MACROD2: variants seen among roughly 807,000 people sequenced by gnomAD.
MACROD2 encodes ADP-ribose glycohydrolase MACROD2.
Under a neutral mutation model 70.4 loss-of-function variants are expected in MACROD2, and 36 were observed. The ratio of observed to expected loss-of-function variants is 0.51; its 90% confidence interval spans 0.39 to 0.68. MACROD2 has a LOEUF of 0.68. Ranked by LOEUF, MACROD2 falls within the 30% of genes least tolerant of loss-of-function variation. The pLI is 0.00. For missense variants in MACROD2, 496 were observed against 538.4 expected, an observed-to-expected ratio of 0.92 and a Z score of 0.78; for synonymous variants, 172 against 178.8, an observed-to-expected ratio of 0.96 and a Z score of 0.30.
At chr20:15,521,635 C>G (rs1424829881) in intron 8 of MACROD2, among the ~76,000 whole-genome samples, 1 of 152,138 alleles carries the variant, frequency 6.6e-6, no homozygotes, top group Non-Finnish European at 1.5e-5. Context: ...AACAGTATGG[C>G]ACACATTTAC....
chr20:14,484,195 T>C (rs960498342), intron 3 of MACROD2, among the ~76,000 whole-genome samples: 2 of 152,198 alleles, frequency 1.3e-5, no homozygotes, highest in African/African-American at 2.4e-5. Context: ...TTAATAAACA[T>C]ATTTTAATAT....
rs2082136749 is a variant in MACROD2 at position 14,265,514 on chromosome 20, T to A, written c.271+179786T>A. The stretch of plus-strand genomic sequence containing the variant: ...TAAGGGACTTTTTTTTCACATTTTT[T>A]ACAATAAATTTTTACAATAGTTTTT... On this transcript the variant is annotated intron_variant, in intron 3 of 17. Transcript: ENST00000684519. 2.0e-5 allele frequency among the ~76,000 whole-genome samples: 3 copies of A among 147,602 alleles called. No individual in the cohort carries two copies. In the South Asian group the frequency reaches 6.2e-4, roughly 31 times the overall value.
At chr20:15,536,721 A>G (rs1204325523) in intron 8 of MACROD2, among the ~76,000 whole-genome samples, 1 of 152,148 alleles carries the variant, frequency 6.6e-6, no homozygotes, top group Non-Finnish European at 1.5e-5. Flanking sequence ...CTGAATAATA[A>G]TTTCTAGTGC....
At chr20:16,008,313 T>G (rs967645671) in intron 15 of MACROD2, among the ~76,000 whole-genome samples, 3 of 152,258 alleles carry the variant, frequency 2.0e-5, no homozygotes, top group African/African-American at 7.2e-5. Flanking sequence ...GACTATGTAC[T>G]TCTAAGCAAG....
chr20:14,738,940 C>T (rs769434364), intron 5 of MACROD2, among the ~76,000 whole-genome samples: 8 of 151,934 alleles, frequency 5.3e-5, no homozygotes, highest in Non-Finnish European at 8.8e-5. Flanking sequence ...AAAAGTTCCA[C>T]GTCACTAATT....
At chr20:15,063,547 A>G (rs1301692003) in intron 5 of MACROD2, among the ~76,000 whole-genome samples, 1 of 152,172 alleles carries the variant, frequency 6.6e-6, no homozygotes, top group Admixed American at 6.5e-5. Context: ...TCCTCTGGGT[A>G]CATCATGTTT....
At chr20:14,553,428 T>TTTTTTTTTTTTTTTTTTTTTTTTTTA (rs1978803863) in intron 4 of MACROD2, among the ~76,000 whole-genome samples, 1 of 150,280 alleles carries the variant, frequency 6.7e-6, no homozygotes. Context: ...TTTTTTTTTT[T>TTTTTTTTTTTTTTTTTTTTTTTTTTA]AGTAAGTAGA....
At chr20:15,480,645 G>A (rs2047084869) in intron 7 of MACROD2, among the ~76,000 whole-genome samples, 1 of 152,142 alleles carries the variant, frequency 6.6e-6, no homozygotes, top group Non-Finnish European at 1.5e-5. Flanking sequence ...GTGGGAAGGA[G>A]TCAGGTTACC....
At chr20:15,689,447 T>C (rs1005753374) in intron 8 of MACROD2, among the ~76,000 whole-genome samples, 8 of 152,096 alleles carry the variant, frequency 5.3e-5, no homozygotes, top group Non-Finnish European at 7.4e-5. Flanking sequence ...AGCATTGTGA[T>C]TGTAATAGAG....
At chr20:14,659,433 C>T (rs886696056) in intron 4 of MACROD2, among the ~76,000 whole-genome samples, 3 of 152,102 alleles carry the variant, frequency 2.0e-5, no homozygotes, top group East Asian at 3.9e-4. Flanking sequence ...ACACTCCTTT[C>T]GATGTCTTTT....
intron 11 of MACROD2, 113 bp downstream of exon 11, chr20:15,933,451 C>T: frequency 7.4e-6 from 7 of 949,534 alleles, no homozygotes; most frequent in Non-Finnish European, 1.1e-5. Context: ...AGATGAACTC[C>T]AGTGTTCATT....
intron 6 of MACROD2, among the ~76,000 whole-genome samples, chr20:15,328,047 G>T (rs938756359): frequency 4.6e-5 from 7 of 152,054 alleles, no homozygotes; most frequent in Non-Finnish European, 7.4e-5. Flanking sequence ...ATAAAATGAA[G>T]ATGAGAAGGA....
chr20:14,702,602 T>TATATATATATACAC (rs1491331929), intron 5 of MACROD2, among the ~76,000 whole-genome samples: 1 of 67,228 alleles, frequency 1.5e-5, no homozygotes, highest in African/African-American at 6.1e-5. Flanking sequence ...TATATGTGTG[T>TATATATATATACAC]ATATATATGT....
intron 3 of MACROD2, among the ~76,000 whole-genome samples, chr20:14,205,951 G>A (rs958801874): frequency 1.3e-5 from 2 of 152,166 alleles, no homozygotes; most frequent in Non-Finnish European, 2.9e-5. Context: ...GTTGTATAAT[G>A]TTCAGTTAAA....
intron 3 of MACROD2, among the ~76,000 whole-genome samples, chr20:14,279,855 C>G (rs1376921735): frequency 6.6e-6 from 1 of 152,116 alleles, no homozygotes; most frequent in African/African-American, 2.4e-5. Flanking sequence ...AAATGTATGG[C>G]ACTAACGCGG....
chr20:14,752,892 A>G (rs1468970149), intron 5 of MACROD2, among the ~76,000 whole-genome samples: 1 of 152,124 alleles, frequency 6.6e-6, no homozygotes, highest in Non-Finnish European at 1.5e-5. Context: ...TGTATGATTG[A>G]GTTTGCCTCT....
intron 8 of MACROD2, among the ~76,000 whole-genome samples, chr20:15,793,783 G>A (rs2063647201): frequency 6.8e-6 from 1 of 147,550 alleles, no homozygotes; most frequent in South Asian, 2.1e-4. Flanking sequence ...TAAGAATATT[G>A]GGGATTTACA....
At chr20:15,557,838 G>T (rs2048188370) in intron 8 of MACROD2, among the ~76,000 whole-genome samples, 1 of 152,104 alleles carries the variant, frequency 6.6e-6, no homozygotes, top group Admixed American at 6.5e-5. Flanking sequence ...GATTACCATT[G>T]TCGGGCAATC....
intron 8 of MACROD2, among the ~76,000 whole-genome samples, chr20:15,509,188 T>C (rs1168731508): frequency 6.6e-6 from 1 of 152,176 alleles, no homozygotes; most frequent in Non-Finnish European, 1.5e-5. Context: ...AATAGTAAAA[T>C]TAGAGTGCTT....
Sources: allele counts gnomAD v4.1 joint callset (sites outside exome capture counted in the v4.1 genomes callset), GRCh38; gene constraint gnomAD v4.1.1; transcripts MANE v1.5; gene names NCBI Gene and HGNC (gene_info 2026-07-23, HGNC 2026-07-21).